The following ZNF536 variants were observed in gnomAD, a reference collection of about 807,000 sequenced individuals.
ZNF536 encodes the protein zinc finger protein 536.
Under a neutral mutation model 84.5 loss-of-function variants are expected in ZNF536, and 13 were observed. The observed-to-expected ratio is 0.15, with a 90% confidence interval of 0.10 to 0.24. ZNF536 has a LOEUF of 0.24. Ranked by LOEUF, ZNF536 falls within the 10% of genes least tolerant of loss-of-function variation. The probability of loss-of-function intolerance (pLI) is 1.00; values close to 1 mark genes in which losing one functional copy is unlikely to be tolerated. For missense variants in ZNF536, 1,536 were observed against 1,747.5 expected (o/e 0.88, Z 2.16); for synonymous variants, 811 against 742.5 (o/e 1.09, Z -1.50).
At chr19:30,558,549 C>T (rs564483374), downstream of ZNF536, among the ~76,000 whole-genome samples, 18 of 152,258 alleles carry the variant, frequency 1.2e-4, no homozygotes, top group African/African-American at 3.9e-4. Flanking sequence ...ACTCAGGATT[C>T]GCGGAGGTGG....
intron 2 of ZNF536, among the ~76,000 whole-genome samples, chr19:30,295,572 C>G (rs741084): frequency 0.054 from 8,164 of 152,248 alleles, 539 homozygotes; most frequent in Admixed American, 0.16. Flanking sequence ...GCTTTGAGAA[C>G]CACTGGTCTA....
intron 1 of ZNF536, among the ~76,000 whole-genome samples, chr19:30,633,404 A>G (rs1389993131): frequency 1.3e-5 from 2 of 152,232 alleles, no homozygotes; most frequent in African/African-American, 4.8e-5. Flanking sequence ...CAAATATTTA[A>G]CTTTTTTTAT....
intron 1 of ZNF536, among the ~76,000 whole-genome samples, chr19:30,373,554 A>G (rs1247469851): frequency 6.6e-6 from 1 of 152,178 alleles, no homozygotes; most frequent in Non-Finnish European, 1.5e-5. Context: ...AAAGTATATA[A>G]TTAATAGGAG....
chr19:30,357,555 C>T (rs954733864), intron 3 of ZNF536, among the ~76,000 whole-genome samples: 2 of 152,098 alleles, frequency 1.3e-5, no homozygotes, highest in African/African-American at 4.8e-5. Context: ...TGGATTGGCT[C>T]TTGGTGGCCT....
chr19:30,478,932 G>A (rs943125001), intron 2 of ZNF536, among the ~76,000 whole-genome samples: 4 of 152,144 alleles, frequency 2.6e-5, no homozygotes, highest in African/African-American at 4.8e-5. Context: ...TCATCCTTCC[G>A]AGGCCATTTT....
At chr19:30,394,101 G>GAGCAAA (rs1368829498) in intron 1 of ZNF536, among the ~76,000 whole-genome samples, 1 of 152,132 alleles carries the variant, frequency 6.6e-6, no homozygotes, top group East Asian at 1.9e-4. Context: ...TCAGATCAGT[G>GAGCAAA]AGCAAGCCTC....
At chr19:30,607,583 G>A (rs769437047) in intron 1 of ZNF536, among the ~76,000 whole-genome samples, 5 of 151,804 alleles carry the variant, frequency 3.3e-5, no homozygotes, top group African/African-American at 4.8e-5. Flanking sequence ...TTAGCTGGAC[G>A]TGGTGGTGCA....
chr19:30,477,409 G>A (rs1357253655), intron 2 of ZNF536, among the ~76,000 whole-genome samples: 1 of 152,148 alleles, frequency 6.6e-6, no homozygotes, highest in Non-Finnish European at 1.5e-5. Context: ...GATGGACCCA[G>A]TGTGTTGAAT....
chr19:30,428,087 T>G lies in ZNF536; in HGVS notation c.-2-15474T>G, dbSNP rs147825058. Among the ~76,000 whole-genome samples the G allele has an allele frequency of 3.2e-4, 48 of 152,294 alleles. No individual in the cohort carries two copies. In the East Asian group the frequency reaches 8.9e-3, roughly 28 times the overall value. On this transcript the variant is annotated intron_variant, in intron 1 of 4. Coordinates refer to ENST00000355537, the MANE Select transcript of ZNF536 (RefSeq NM_014717.3). ...TTGACTTTTCCTTGTTAACTGCAAG[T>G]GCTCTTAAAAATACAAAAGGTAAAG...
intron 3 of ZNF536, among the ~76,000 whole-genome samples, chr19:30,547,518 G>T (rs1024298960): frequency 6.6e-6 from 1 of 151,994 alleles, no homozygotes; most frequent in African/African-American, 2.4e-5. Flanking sequence ...GTTTAAAAAT[G>T]GTTTCCATGT....
intron 1 of ZNF536, among the ~76,000 whole-genome samples, chr19:30,280,569 T>G (rs1236410351): frequency 6.6e-6 from 1 of 152,144 alleles, no homozygotes. Context: ...TCCTCCAAAT[T>G]GTCATGGTGT....
intron 2 of ZNF536, among the ~76,000 whole-genome samples, chr19:30,473,314 C>T (rs2053716289): frequency 6.6e-6 from 1 of 151,990 alleles, no homozygotes; most frequent in African/African-American, 2.4e-5. Context: ...GATACAGTTC[C>T]CCCTAGAAAT....
chr19:30,617,366 T>A lies in ZNF536; in HGVS notation c.169+67852T>A, dbSNP rs146701567. 7.9e-3 allele frequency among the ~76,000 whole-genome samples: 909 copies of A among 115,750 alleles called. 7 individuals are homozygous for A. The highest frequency in any genetic ancestry group is 0.012 in the Non-Finnish European group (690 of 55,534). The allele number at this position is 115,750 out of a possible 152,430, so 75.9% of individuals were successfully genotyped here. A position where few individuals can be genotyped will look rare whatever the true frequency, so the allele number is the denominator to read the frequency against. On this transcript the variant is annotated intron_variant, in intron 1 of 1. Transcript: ENST00000592773. ...TTTTTTTTTTTTTTTTTTTTTTTTT[T>A]ATGAGATGGAGTCTGACTCTGTCAC...
intron 1 of ZNF536, among the ~76,000 whole-genome samples, chr19:30,439,180 C>A (rs918335661): frequency 3.3e-5 from 5 of 152,160 alleles, no homozygotes; most frequent in African/African-American, 1.2e-4. Flanking sequence ...CGCACACACA[C>A]ACACACCCTT....
intron 1 of ZNF536, among the ~76,000 whole-genome samples, chr19:30,260,006 C>T (rs1480225623): frequency 6.6e-6 from 1 of 150,832 alleles, no homozygotes; most frequent in African/African-American, 2.4e-5. Flanking sequence ...CTCAAGTGAT[C>T]CACCTGCCTT....
At chr19:30,647,719 A>G (rs1410683946) in intron 1 of ZNF536, among the ~76,000 whole-genome samples, 3 of 152,190 alleles carry the variant, frequency 2.0e-5, no homozygotes, top group African/African-American at 7.2e-5. Flanking sequence ...CTCCTTGCTA[A>G]GACCCCAATT....
chr19:30,531,905 G>A (rs1049342334), intron 2 of ZNF536, among the ~76,000 whole-genome samples: 2 of 151,720 alleles, frequency 1.3e-5, no homozygotes, highest in African/African-American at 4.8e-5. Flanking sequence ...GATTACAGGT[G>A]TGCACCACCA....
intron 1 of ZNF536, among the ~76,000 whole-genome samples, chr19:30,280,198 C>T (rs954965364): frequency 6.6e-6 from 1 of 152,112 alleles, no homozygotes; most frequent in African/African-American, 2.4e-5. Context: ...TTCCATCTGC[C>T]CCTTTTCTTT....
At chr19:30,539,050 G>A (rs1179047484) in intron 3 of ZNF536, among the ~76,000 whole-genome samples, 1 of 149,464 alleles carries the variant, frequency 6.7e-6, no homozygotes, top group African/African-American at 2.5e-5. Context: ...TCTATAAAAG[G>A]AAAGAAAGGA....
Sources: allele counts gnomAD v4.1 joint callset (sites outside exome capture counted in the v4.1 genomes callset), GRCh38; gene constraint gnomAD v4.1.1; transcripts MANE v1.5; gene names NCBI Gene and HGNC (gene_info 2026-07-23, HGNC 2026-07-21).